MYBL1: variants seen among roughly 807,000 people sequenced by gnomAD.
The protein encoded by MYBL1 is MYB proto-oncogene like 1, also known as myb-related protein A.
MYBL1 carries 17 observed loss-of-function variants against 96.3 expected under a neutral mutation model. The observed-to-expected ratio is 0.18, with a 90% CI of 0.12 to 0.26. The LOEUF (loss-of-function observed/expected upper bound fraction) is 0.26, where lower values mean the gene tolerates loss of function less well. Among genes scored for constraint, MYBL1 ranks in the 10% least tolerant of loss-of-function variants. The pLI, the probability that MYBL1 is intolerant of heterozygous loss-of-function variation, is 1.00. For missense variants in MYBL1, 701 were observed against 882.9 expected (o/e 0.79, Z 2.61); for synonymous variants, 282 against 292.7 (o/e 0.96, Z 0.37).
intron 10 of MYBL1, among the ~76,000 whole-genome samples, chr8:66,575,316 T>A (rs1388600282): frequency 1.3e-5 from 2 of 152,234 alleles, no homozygotes; most frequent in Admixed American, 6.5e-5. Flanking sequence ...AAGGCCACTT[T>A]AATCTTTATC....
At chr8:66,578,658 C>A (rs1269661528) in intron 9 of MYBL1, among the ~76,000 whole-genome samples, 1 of 152,092 alleles carries the variant, frequency 6.6e-6, no homozygotes, top group African/African-American at 2.4e-5. Flanking sequence ...TCAACTATTG[C>A]GGAAGTCAGT....
In MYBL1 at chr8:66,596,224, G is replaced by A. The variant is rs182110061; in HGVS notation, c.513-467C>T. Among the ~76,000 whole-genome samples the A allele has an allele frequency of 3.8e-4, 58 of 152,250 alleles. No homozygotes were observed. The East Asian group carries it at 5.6e-3, about 15-fold the overall frequency. On this transcript the variant is annotated intron_variant, in intron 5 of 15. Transcript: ENST00000522677. Reference sequence around the variant, plus strand: ...GCATTCCAGATAAAGAGTATAGCAAGGGCCAAGGTCTTAAGCCAGGAACAA... The same window carrying A: ...GCATTCCAGATAAAGAGTATAGCAAAGGCCAAGGTCTTAAGCCAGGAACAA...
chr8:66,601,802 C>T, intron 2 of MYBL1, 33 bp from the exon 3 acceptor site: 2 of 1,193,722 alleles, frequency 1.7e-6, no homozygotes, highest in Non-Finnish European at 2.4e-6. Context: ...AGAAAGCTTT[C>T]CCCCCGTCCT....
intron 10 of MYBL1, 120 bp downstream of exon 10, chr8:66,575,887 C>T: frequency 3.0e-6 from 3 of 992,776 alleles, no homozygotes; most frequent in South Asian, 3.5e-5. Flanking sequence ...CTCAAGTATA[C>T]ATTTAAACAC....
chr8:66,605,741 G>A (rs370059859), intron 1 of MYBL1, among the ~76,000 whole-genome samples: 22 of 152,202 alleles, frequency 1.4e-4, no homozygotes, highest in African/African-American at 5.1e-4. Flanking sequence ...ACTTGAACCC[G>A]GGAGGTAGAG....
rs117400924 is a variant in MYBL1 at position 66,584,661 on chromosome 8, C to T, written c.868-4295G>A. On this transcript the variant is annotated intron_variant, in intron 8 of 15. Coordinates refer to ENST00000522677, the MANE Select transcript of MYBL1 (RefSeq NM_001080416.4). ...ATCACTTGAGGTCAGGAGTTCAAGACCAGCCTGGGCAAGATAGCGAGACCC... is the reference window on the plus strand; with the variant it reads ...ATCACTTGAGGTCAGGAGTTCAAGATCAGCCTGGGCAAGATAGCGAGACCC... Among the ~76,000 whole-genome samples the T allele has an allele frequency of 9.0e-3, 1,365 of 152,106 alleles. 11 individuals carry two copies. The highest frequency in any genetic ancestry group is 0.02 in the Middle Eastern group (6 of 294).
chr8:66,610,687 T>G (rs146433509), intron 1 of MYBL1, among the ~76,000 whole-genome samples: 2 of 152,300 alleles, frequency 1.3e-5, no homozygotes, highest in Non-Finnish European at 2.9e-5. Context: ...TATCCTCTTT[T>G]GTTTTTTGTT....
Position 66,592,500 on chromosome 8 carries a change from C to A in MYBL1, c.807G>T (p.Lys269Asn). ...DEDPDKEKKI[K>N]ELEMLLMSAE... ...CTGACATAAGAAGCATCTCAAGTTC[C>A]TTTATTTTCTTTTCCTTATCAGGAT... Residue 269 changes from lysine (K) to asparagine (N), a missense_variant, in exon 8 of 16, where the codon AAG becomes AAT. Lys to Asn is a moderately conservative substitution (Grantham distance 94). Transcript: ENST00000522677. 2 of 1,601,622 alleles carry A rather than the reference C, an allele frequency of 1.2e-6. No homozygotes were observed. The highest frequency in any genetic ancestry group is 1.7e-6 in the Non-Finnish European group (2 of 1,178,112).
At chr8:66,581,969 G>A (rs1325335621) in intron 8 of MYBL1, among the ~76,000 whole-genome samples, 1 of 151,936 alleles carries the variant, frequency 6.6e-6, no homozygotes, top group Non-Finnish European at 1.5e-5. Flanking sequence ...TCCTATACCT[G>A]AAAGCAAAAA....
Position 66,566,766 on chromosome 8 carries a change from A to G in MYBL1, c.1868T>C (p.Val623Ala), listed in dbSNP as rs1468039537. 3 of 1,609,932 alleles carry G rather than the reference A, an allele frequency of 1.9e-6. No homozygotes were observed. The highest frequency in any genetic ancestry group is 2.2e-5 in the East Asian group (1 of 44,744). ...ATTATCTAAGACTAGTGATTTTCTG[A>G]CTTTCTTCCCAGAAGCGGTATTCTA... is the stretch of plus-strand genomic sequence containing the variant. ...KQENTASGKK[V>A]RKSLVLDNWE... is the part of the protein sequence containing the mutation. The change falls in exon 14 of 16, where the codon GTC (valine) becomes GCC (alanine). Residue 623 changes from valine to alanine, a missense_variant. Physicochemically the swap from Val to Ala is moderately conservative, Grantham distance 64 (BLOSUM62 0). This residue lies in a region of MYBL1 where 63 missense variants were observed against 109.2 expected (regional missense o/e 0.58). Transcript: ENST00000522677.
At chr8:66,601,203 A>G (rs1449811855) in intron 3 of MYBL1, among the ~76,000 whole-genome samples, 1 of 150,674 alleles carries the variant, frequency 6.6e-6, no homozygotes, top group Non-Finnish European at 1.5e-5. Context: ...AAAAAAAAAA[A>G]AGAGTACATG....
intron 8 of MYBL1, among the ~76,000 whole-genome samples, chr8:66,582,576 G>A (rs1221850312): frequency 7.0e-6 from 1 of 142,320 alleles, no homozygotes; most frequent in African/African-American, 2.6e-5. Flanking sequence ...AAATTAGCTG[G>A]ACATGGCAGC....
At position 66,594,206 on chromosome 8, in the gene MYBL1, C is replaced by A. The variant is rs1327036923; in HGVS notation, c.688-1012G>T. 5.9e-5 allele frequency among the ~76,000 whole-genome samples: 9 copies of A among 151,930 alleles called. No individual in the cohort carries two copies. The East Asian group carries it at 1.7e-3, about 29-fold the overall frequency. ...ATTGTCTGCTTTCCGTAATGGTCTA[C>A]CTAAATCACTATATAATGCAGAATC... On this transcript the variant is annotated intron_variant, in intron 6 of 15. Transcript: ENST00000522677.
intron 1 of MYBL1, chr8:66,612,343 T>A (rs2130101635): frequency 6.2e-6 from 1 of 162,496 alleles, no homozygotes; most frequent in Admixed American, 6.4e-5. Context: ...CCACAACGTT[T>A]CAAGATAGCC....
chr8:66,609,267 G>A (rs1384866982), intron 1 of MYBL1, among the ~76,000 whole-genome samples: 1 of 151,952 alleles, frequency 6.6e-6, no homozygotes, highest in Non-Finnish European at 1.5e-5. Flanking sequence ...ACTTAAACCA[G>A]TAAATGAGGT....
intron 8 of MYBL1, among the ~76,000 whole-genome samples, chr8:66,586,649 G>A (rs1158827463): frequency 6.6e-6 from 1 of 152,140 alleles, no homozygotes; most frequent in Non-Finnish European, 1.5e-5. Flanking sequence ...AATAGACTAT[G>A]ATATGATGCA....
chr8:66,572,247 G>A (rs148297702), intron 12 of MYBL1, among the ~76,000 whole-genome samples: 1 of 151,792 alleles, frequency 6.6e-6, no homozygotes, highest in Admixed American at 6.6e-5. Context: ...TTGAACCCAG[G>A]GGGTGGAGGT....
intron 8 of MYBL1, among the ~76,000 whole-genome samples, chr8:66,582,476 G>T (rs1809251613): frequency 6.8e-6 from 1 of 147,462 alleles, no homozygotes; most frequent in South Asian, 2.1e-4. Context: ...ACAGCACTTT[G>T]GGAGGCCAAG....
chr8:66,576,458 G>A, intron 9 of MYBL1, 83 bp from the exon 10 acceptor site: 1 of 1,429,366 alleles, frequency 7.0e-7, no homozygotes, highest in Non-Finnish European at 9.4e-7. Flanking sequence ...GATTTCCACA[G>A]AGTTAATTAA....
Sources: gnomAD v4.1 joint callset for allele counts (sites outside exome capture counted in the v4.1 genomes callset) on GRCh38, gnomAD v4.1.1 for gene constraint, gnomAD v4.1.1 regional missense constraint, MANE v1.5 for transcripts, NCBI Gene and HGNC (gene_info 2026-07-23, HGNC 2026-07-21) for gene names.